ZNF800: variants seen among roughly 807,000 people sequenced by gnomAD.
ZNF800 encodes zinc finger protein 800.
Under a neutral mutation model 59.5 loss-of-function variants are expected in ZNF800, and 13 were observed. The ratio of observed to expected loss-of-function variants is 0.22; its 90% CI spans 0.14 to 0.35. ZNF800 has a LOEUF of 0.35. Ranked by LOEUF, ZNF800 falls within the 10% of genes least tolerant of loss-of-function variation. ZNF800 has a pLI of 1.00. For synonymous variants in ZNF800, 266 were observed against 265.7 expected (o/e 1.00, Z -0.01); for missense variants, 621 against 783.7 (o/e 0.79, Z 2.48).
At chr7:127,376,228 T>C (rs1259928601) in intron 4 of ZNF800, among the ~76,000 whole-genome samples, 1 of 151,942 alleles carries the variant, frequency 6.6e-6, no homozygotes, top group Non-Finnish European at 1.5e-5. Context: ...GCCAGCTTCA[T>C]TATAATTAAA....
At chr7:127,373,215 T>C (rs1476310184) in intron 5 of ZNF800, 127 bp downstream of exon 5, 1 of 1,474,002 alleles carries the variant, frequency 6.8e-7, no homozygotes, top group African/African-American at 1.4e-5. Flanking sequence ...ACTCTTGCAG[T>C]TCCCATTGCC....
intron 1 of ZNF800, among the ~76,000 whole-genome samples, chr7:127,356,960 T>C (rs916825684): frequency 9.2e-5 from 14 of 152,046 alleles, no homozygotes; most frequent in African/African-American, 3.4e-4. Context: ...TTTAAAGGCA[T>C]ATTTTAAAAG....
chr7:127,348,411 A>C (rs1174282259), intron 1 of ZNF800, among the ~76,000 whole-genome samples: 1 of 140,728 alleles, frequency 7.1e-6, no homozygotes, highest in African/African-American at 2.8e-5. Context: ...ATAGAAAAAA[A>C]AAATGCCAGA....
chr7:127,366,423 C>T (rs191416771), downstream of ZNF800, among the ~76,000 whole-genome samples: 1 of 152,250 alleles, frequency 6.6e-6, no homozygotes, highest in East Asian at 1.9e-4. Flanking sequence ...GCCTAATATG[C>T]TGCTACAAAA....
chr7:127,376,953 C>G (rs1304512805), intron 4 of ZNF800, among the ~76,000 whole-genome samples: 1 of 151,890 alleles, frequency 6.6e-6, no homozygotes, highest in Non-Finnish European at 1.5e-5. Context: ...TCTTATATGT[C>G]ATCTTTAGGA....
chr7:127,376,423 A>C (rs976517031), intron 4 of ZNF800, among the ~76,000 whole-genome samples: 1 of 151,916 alleles, frequency 6.6e-6, no homozygotes, highest in Non-Finnish European at 1.5e-5. Flanking sequence ...ATTTTTTTAA[A>C]TTTACATTAA....
At chr7:127,353,058 A>G (rs181794956) in intron 1 of ZNF800, among the ~76,000 whole-genome samples, 151 of 152,330 alleles carry the variant, frequency 9.9e-4, no homozygotes, top group African/African-American at 3.4e-3. Context: ...AATGGCACCG[A>G]TAAGTACTTA....
intron 1 of ZNF800, chr7:127,363,729 G>T (rs1377883225): frequency 2.6e-5 from 4 of 152,042 alleles, no homozygotes; most frequent in Non-Finnish European, 5.9e-5. Context: ...AATGCTCCTG[G>T]ACTTCTAAAA....
chr7:127,356,267 GTGTA>G (rs1274045016), intron 1 of ZNF800, among the ~76,000 whole-genome samples: 5 of 137,000 alleles, frequency 3.6e-5, no homozygotes, highest in African/African-American at 9.9e-5. Flanking sequence ...GTGTGTGTGT[GTGTA>G]TGTGTGTGTG....
chr7:127,372,763 G>A, intron 5 of ZNF800: 2 of 985,238 alleles, frequency 2.0e-6, no homozygotes, highest in South Asian at 4.7e-5. Context: ...TTGCCTGGAA[G>A]CACTATGTTA....
At chr7:127,388,157 A>G (rs1801196279) in intron 2 of ZNF800, among the ~76,000 whole-genome samples, 1 of 152,200 alleles carries the variant, frequency 6.6e-6, no homozygotes, top group South Asian at 2.1e-4. Flanking sequence ...GGGTTAAATA[A>G]GCTAATGCAA....
chr7:127,345,903 T>G (rs1331986111), downstream of ZNF800, among the ~76,000 whole-genome samples: 1 of 152,012 alleles, frequency 6.6e-6, no homozygotes, highest in Admixed American at 6.6e-5. Context: ...TGAGAGATGG[T>G]TCACAGATGG....
At chr7:127,375,707 C>G (rs1800772692) in intron 4 of ZNF800, among the ~76,000 whole-genome samples, 1 of 151,918 alleles carries the variant, frequency 6.6e-6, no homozygotes, top group East Asian at 1.9e-4. Flanking sequence ...TTTCCTTGTA[C>G]AATAATTACA....
intron 2 of ZNF800, among the ~76,000 whole-genome samples, chr7:127,388,076 A>T (rs1801193861): frequency 1.3e-5 from 2 of 152,014 alleles, no homozygotes; most frequent in African/African-American, 4.8e-5. Flanking sequence ...GGCAAATTAA[A>T]CTCTCTGATT....
At chr7:127,373,005 G>C in intron 5 of ZNF800, 1 of 984,322 alleles carries the variant, frequency 1.0e-6, no homozygotes, top group African/African-American at 1.7e-5. Flanking sequence ...TGCAAAGTTA[G>C]TTAAACAGAA....
intron 1 of ZNF800, chr7:127,362,443 G>A (rs1395795789): frequency 6.6e-6 from 1 of 152,102 alleles, no homozygotes; most frequent in Non-Finnish European, 1.5e-5. Flanking sequence ...TACAGATTAA[G>A]GTCTGTGAGA....
intron 3 of ZNF800, among the ~76,000 whole-genome samples, chr7:127,384,376 G>A (rs1189300976): frequency 3.3e-5 from 5 of 151,398 alleles, no homozygotes; most frequent in Admixed American, 3.3e-4. Flanking sequence ...TGAGACTACA[G>A]GCGCCCGCCG....
At position 127,375,007 on chromosome 7, in the gene ZNF800, C is replaced by T. The variant is rs757381994; in HGVS notation, c.329G>A (p.Ser110Asn). 5 of 1,588,128 alleles carry T rather than the reference C, an allele frequency of 3.1e-6. No individual in the cohort carries two copies. The African/African-American group carries it at 4.1e-5, about 13-fold the overall frequency. ...TTCTAGGAGATCATTTATGGCTTGG[C>T]TTTGTTTATCATTTACATCAGGAAG... ...DNLPDVNDKQ[S>N]QAINDLLEAI... The change falls in exon 5 of 6, where the codon AGC becomes AAC. Residue 110 changes from serine (S) to asparagine (N), a missense_variant. Coordinates refer to ENST00000265827, the MANE Select transcript of ZNF800 (RefSeq NM_176814.5).
downstream of ZNF800, among the ~76,000 whole-genome samples, chr7:127,343,106 T>C (rs17863280): frequency 6.8e-3 from 1,037 of 152,202 alleles, 6 homozygotes; most frequent in Non-Finnish European, 0.012. Context: ...GGCAAAGTTA[T>C]AGTCTTACGT....
Sources: allele counts gnomAD v4.1 joint callset (sites outside exome capture counted in the v4.1 genomes callset), GRCh38; gene constraint gnomAD v4.1.1; transcripts MANE v1.5; gene names NCBI Gene and HGNC (gene_info 2026-07-23, HGNC 2026-07-21).